Variants in ALCAM observed in about 807,000 individuals in gnomAD.
ALCAM encodes the protein CD166 antigen.
Under a neutral mutation model 70.9 loss-of-function variants are expected in ALCAM, and 30 were observed. The observed-to-expected ratio is 0.42, with a 90% CI of 0.32 to 0.57. The LOEUF is 0.57. Ranked by LOEUF, ALCAM falls within the 20% of genes least tolerant of loss-of-function variation. ALCAM has a pLI of 0.11. For synonymous variants in ALCAM, 249 were observed against 242.5 expected, an observed-to-expected ratio of 1.03 and a Z score of -0.25; for missense variants, 591 against 695.1, an observed-to-expected ratio of 0.85 and a Z score of 1.68.
At chr3:105,384,035 A>T (rs1361962730) in intron 1 of ALCAM, among the ~76,000 whole-genome samples, 3 of 151,656 alleles carry the variant, frequency 2.0e-5, no homozygotes, top group African/African-American at 7.2e-5. Context: ...ACCACTGAAA[A>T]TACATCTGTA....
rs114499663 is a variant in ALCAM, at chr3:105,571,085, G to A, written c.1665-767G>A. Among the ~76,000 whole-genome samples, 1,408 of 152,278 alleles carry A rather than the reference G, an allele frequency of 9.2e-3. 14 individuals carry two copies. Among genetic ancestry groups the A allele is most frequent in the Middle Eastern group, 0.034 (10 of 294 alleles). On this transcript the variant is annotated intron_variant, in intron 14 of 15. Transcript: ENST00000306107. ...AATGTCTTAAAGAATAAGAGCCTAG[G>A]CATGGGTAATCAAAGTAGCCGCTAA...
In ALCAM at chr3:105,563,571, C is replaced by T. The variant is rs562399642; in HGVS notation, c.1665-8281C>T. The stretch of plus-strand genomic sequence containing the variant: ...ACTGTTACCTGTGTTCCACAAATAT[C>T]GGTATGTTGTGTTTTCTTATTCATT... On this transcript the variant is annotated intron_variant, in intron 14 of 15. Transcript: ENST00000306107. Among the ~76,000 whole-genome samples the T allele has an allele frequency of 3.3e-5, 5 of 149,380 alleles. No individual in the cohort carries two copies. The East Asian group carries it at 5.9e-4, about 18-fold the overall frequency.
chr3:105,569,947 C>A (rs1940827659), intron 14 of ALCAM, among the ~76,000 whole-genome samples: 1 of 152,096 alleles, frequency 6.6e-6, no homozygotes, highest in African/African-American at 2.4e-5. Context: ...CAAAGGTAGA[C>A]CAAATTTTAC....
At chr3:105,458,520 A>G (rs1484901419) in intron 1 of ALCAM, among the ~76,000 whole-genome samples, 1 of 152,216 alleles carries the variant, frequency 6.6e-6, no homozygotes, top group Non-Finnish European at 1.5e-5. Flanking sequence ...TGATTAAGCT[A>G]TTAGCTATCA....
intron 14 of ALCAM, among the ~76,000 whole-genome samples, chr3:105,559,914 A>G (rs989067784): frequency 6.6e-6 from 1 of 152,142 alleles, no homozygotes; most frequent in Non-Finnish European, 1.5e-5. Context: ...TATATTGCTG[A>G]TAGTGTTTAA....
chr3:105,454,739 G>A (rs945051468), intron 1 of ALCAM, among the ~76,000 whole-genome samples: 3 of 120,630 alleles, frequency 2.5e-5, no homozygotes, highest in Admixed American at 1.2e-4. Flanking sequence ...CGCGATCTCC[G>A]ATCACTGCAA....
chr3:105,498,290 A>G (rs781616154), intron 1 of ALCAM, among the ~76,000 whole-genome samples: 5 of 152,148 alleles, frequency 3.3e-5, no homozygotes, highest in African/African-American at 4.8e-5. Context: ...TCTTTATAGT[A>G]TTCTGCTTCT....
chr3:105,561,016 C>A (rs1454148628), intron 14 of ALCAM, among the ~76,000 whole-genome samples: 6 of 152,150 alleles, frequency 3.9e-5, no homozygotes, highest in Non-Finnish European at 7.4e-5. Context: ...ATTTGGTCTT[C>A]AAATCCATGA....
intron 14 of ALCAM, among the ~76,000 whole-genome samples, chr3:105,568,053 AT>A (rs1175221243): frequency 4.9e-5 from 5 of 101,932 alleles, no homozygotes; most frequent in African/African-American, 1.9e-4. Flanking sequence ...TTATTATTTT[AT>A]TTTATTTTAT....
chr3:105,504,904 A>T (rs540129340), intron 1 of ALCAM, among the ~76,000 whole-genome samples: 1 of 152,258 alleles, frequency 6.6e-6, no homozygotes, highest in Non-Finnish European at 1.5e-5. Context: ...ATTTAAAGGG[A>T]CCACGCTCTT....
chr3:105,536,893 G>A (rs1375164330), intron 6 of ALCAM, among the ~76,000 whole-genome samples: 1 of 152,132 alleles, frequency 6.6e-6, no homozygotes, highest in African/African-American at 2.4e-5. Context: ...TTAGAGCACA[G>A]ATTACTGCAC....
At chr3:105,376,698 G>A (rs939309186) in intron 1 of ALCAM, among the ~76,000 whole-genome samples, 3 of 152,300 alleles carry the variant, frequency 2.0e-5, no homozygotes, top group East Asian at 1.9e-4. Flanking sequence ...TTACAACAAA[G>A]GGGCCAGATC....
chr3:105,450,002 C>T (rs1409319774), intron 1 of ALCAM, among the ~76,000 whole-genome samples: 1 of 152,144 alleles, frequency 6.6e-6, no homozygotes, highest in African/African-American at 2.4e-5. Flanking sequence ...ACAAAGGAAG[C>T]ACAATAGATA....
chr3:105,390,820 C>T (rs1233476262), intron 1 of ALCAM, among the ~76,000 whole-genome samples: 1 of 152,082 alleles, frequency 6.6e-6, no homozygotes, highest in Non-Finnish European at 1.5e-5. Flanking sequence ...TATGGCTAGC[C>T]AGTTTTCCCA....
intron 1 of ALCAM, among the ~76,000 whole-genome samples, chr3:105,513,767 A>G (rs1289133189): frequency 6.6e-6 from 1 of 151,962 alleles, no homozygotes; most frequent in Non-Finnish European, 1.5e-5. Flanking sequence ...TCCAAATGCT[A>G]GTGTTGATGC....
chr3:105,511,003 T>C (rs1939221135), intron 1 of ALCAM, among the ~76,000 whole-genome samples: 2 of 152,050 alleles, frequency 1.3e-5, no homozygotes, highest in South Asian at 2.1e-4. Flanking sequence ...ATGATAAAAC[T>C]ACCTTTCAAT....
chr3:105,573,811 G>A (rs184659176), intron 15 of ALCAM, among the ~76,000 whole-genome samples: 2 of 152,316 alleles, frequency 1.3e-5, no homozygotes, highest in East Asian at 3.9e-4. Context: ...CACAATTTGA[G>A]TGGGTCATCC....
intron 1 of ALCAM, among the ~76,000 whole-genome samples, chr3:105,510,296 A>G (rs1054056371): frequency 1.3e-5 from 2 of 152,180 alleles, no homozygotes; most frequent in African/African-American, 4.8e-5. Context: ...GTGAGCTATA[A>G]TCAGCCCTCA....
intron 3 of ALCAM, among the ~76,000 whole-genome samples, chr3:105,526,027 T>C (rs1462921458): frequency 6.6e-6 from 1 of 152,230 alleles, no homozygotes; most frequent in Non-Finnish European, 1.5e-5. Flanking sequence ...AGGACACTTT[T>C]CTAAAGCGAG....
Sources: allele counts gnomAD v4.1 joint callset (sites outside exome capture counted in the v4.1 genomes callset), GRCh38; gene constraint gnomAD v4.1.1; transcripts MANE v1.5; gene names NCBI Gene and HGNC (gene_info 2026-07-23, HGNC 2026-07-21).